The following CATSPERQ variants were observed in gnomAD, a reference collection of about 807,000 sequenced individuals.
The protein encoded by CATSPERQ is catsper channel auxiliary subunit theta, also known as cation channel sperm-associated auxiliary subunit theta.
the CATSPERQ span, chr8:144,354,432 G>A: frequency 2.2e-6 from 3 of 1,343,338 alleles, no homozygotes; most frequent in Admixed American, 2.7e-5. This position sits in a 1 kb window ranked among gnomAD's most constrained non-coding sequence, Gnocchi z 4.6. Flanking sequence ...CGCAGGGCTC[G>A]CGGAGGCGAC....
chr8:144,353,951 T>A, the CATSPERQ span: 3 of 1,530,712 alleles, frequency 2.0e-6, no homozygotes, highest in South Asian at 1.2e-5. Flanking sequence ...CCCGGCCCGT[T>A]ACCATCGGAG....
At chr8:144,354,555 T>TCCGACC in the CATSPERQ span, 2 of 681,606 alleles carry the variant, frequency 2.9e-6, no homozygotes, top group Non-Finnish European at 4.5e-6. The surrounding 1 kb of genome is among the most constrained non-coding windows in gnomAD (Gnocchi z 4.6). Context: ...CCCGTCTCCC[T>TCCGACC]CCTCCCCCGC....
chr8:144,354,594 G>T, the CATSPERQ span: 2 of 561,874 alleles, frequency 3.6e-6, no homozygotes, highest in Non-Finnish European at 4.6e-6. The surrounding 1 kb of genome is among the most constrained non-coding windows in gnomAD (Gnocchi z 4.6). Flanking sequence ...GCCCCGCCCC[G>T]CCCCGCCCAG....
chr8:144,354,574 T>TGCCCCCCCCCCCCCCCCCC, the CATSPERQ span: 6 of 322,942 alleles, frequency 1.9e-5, no homozygotes, highest in East Asian at 8.2e-5. This position sits in a 1 kb window ranked among gnomAD's most constrained non-coding sequence, Gnocchi z 4.6. Flanking sequence ...GCCCCGCCCT[T>TGCCCCCCCCCCCCCCCCCC]CCCAGCCCCG....
At chr8:144,353,457 G>A in the CATSPERQ span, 11 of 1,535,986 alleles carry the variant, frequency 7.2e-6, no homozygotes, top group South Asian at 1.3e-4. Context: ...GTGCCGGTAG[G>A]AGGTGGCCAG....
the CATSPERQ span, chr8:144,354,421 G>A: frequency 1.4e-6 from 2 of 1,386,880 alleles, no homozygotes; most frequent in Non-Finnish European, 1.9e-6. This position sits in a 1 kb window ranked among gnomAD's most constrained non-coding sequence, Gnocchi z 4.6. Flanking sequence ...AGCTGGGTCC[G>A]CGCAGGGCTC....
chr8:144,353,937 C>T, the CATSPERQ span: 7 of 1,526,630 alleles, frequency 4.6e-6, no homozygotes, highest in East Asian at 1.5e-4. Flanking sequence ...CCCTGGCGCA[C>T]CCTCCCGGCC....
At chr8:144,353,876 C>T in the CATSPERQ span, 121 of 1,531,862 alleles carry the variant, frequency 7.9e-5, no homozygotes, top group Non-Finnish European at 9.9e-5. Flanking sequence ...GCGGGGAGAG[C>T]GGACTTAGCC....
the CATSPERQ span, chr8:144,353,758 CGT>C: frequency 1.3e-6 from 2 of 1,534,894 alleles, no homozygotes; most frequent in Non-Finnish European, 1.7e-6. Context: ...GAGGAGGGCG[CGT>C]GTCTGGGCGG....
chr8:144,353,286 C>A, the CATSPERQ span: 1 of 1,465,242 alleles, frequency 6.8e-7, no homozygotes, highest in Non-Finnish European at 9.0e-7. Context: ...ATTTGATCTG[C>A]CCCAGAGTGG....
the CATSPERQ span, chr8:144,353,590 C>A: frequency 2.7e-6 from 4 of 1,479,654 alleles, no homozygotes; most frequent in South Asian, 1.3e-5. Flanking sequence ...GCCGTCCAGG[C>A]GTCTCCTTCC....
chr8:144,354,469 A>G, the CATSPERQ span: 2 of 1,311,262 alleles, frequency 1.5e-6, no homozygotes, highest in Non-Finnish European at 2.0e-6. This position sits in a 1 kb window ranked among gnomAD's most constrained non-coding sequence, Gnocchi z 4.6. Flanking sequence ...CTCCGTCCCC[A>G]GGAGCACCGG....
chr8:144,353,948 C>G, the CATSPERQ span: 4 of 1,530,572 alleles, frequency 2.6e-6, no homozygotes, highest in Middle Eastern at 1.7e-4. Context: ...CCTCCCGGCC[C>G]GTTACCATCG....
chr8:144,354,089 C>G, the CATSPERQ span: 7 of 1,535,182 alleles, frequency 4.6e-6, no homozygotes, highest in South Asian at 6.0e-5. The surrounding 1 kb of genome is among the most constrained non-coding windows in gnomAD (Gnocchi z 4.6). Context: ...GACGAGATCA[C>G]GAGCCACAGG....
the CATSPERQ span, chr8:144,353,777 C>T: frequency 6.5e-7 from 1 of 1,535,362 alleles, no homozygotes; most frequent in African/African-American, 1.4e-5. Context: ...GCGGGACCCA[C>T]CTCGTAGTGC....
At chr8:144,354,095 A>G in the CATSPERQ span, 28 of 1,535,336 alleles carry the variant, frequency 1.8e-5, no homozygotes, top group Non-Finnish European at 2.4e-5. This position sits in a 1 kb window ranked among gnomAD's most constrained non-coding sequence, Gnocchi z 4.6. Context: ...ATCACGAGCC[A>G]CAGGCCCACG....
the CATSPERQ span, chr8:144,354,227 G>A: frequency 3.2e-6 from 5 of 1,545,688 alleles, no homozygotes; most frequent in Non-Finnish European, 4.3e-6. This position sits in a 1 kb window ranked among gnomAD's most constrained non-coding sequence, Gnocchi z 4.6. Context: ...TCGGGCCCAG[G>A]GGCTCACACC....
At chr8:144,354,931 C>T in the CATSPERQ span, 1 of 1,143,264 alleles carries the variant, frequency 8.7e-7, no homozygotes, top group Non-Finnish European at 1.2e-6. This position sits in a 1 kb window ranked among gnomAD's most constrained non-coding sequence, Gnocchi z 4.6. Context: ...GGGAGCGGCC[C>T]AGGGTGGACC....
At chr8:144,354,013 C>A in the CATSPERQ span, 1 of 1,535,338 alleles carries the variant, frequency 6.5e-7, no homozygotes, top group Non-Finnish European at 8.7e-7. The surrounding 1 kb of genome is among the most constrained non-coding windows in gnomAD (Gnocchi z 4.6). Flanking sequence ...GCACACGGTG[C>A]GGCCCTGGAT....
Sources: allele counts gnomAD v4.1 joint callset, GRCh38; gene constraint gnomAD v4.1.1; non-coding constraint Gnocchi (gnomAD v3.1); transcripts MANE v1.5; gene names NCBI Gene and HGNC (gene_info 2026-07-23, HGNC 2026-07-21).